Variants in KTN1 observed in about 807,000 individuals in gnomAD.
KTN1 encodes the protein kinectin 1, also known as kinectin.
KTN1 carries 130 observed loss-of-function variants against 222.5 expected under a neutral mutation model. That is an observed-to-expected ratio of 0.58 (90% CI 0.51 to 0.68). KTN1 has a LOEUF of 0.68. Ranked by LOEUF, KTN1 falls within the 30% of genes least tolerant of loss-of-function variation. The pLI is 0.00. For synonymous variants in KTN1, 512 were observed against 496.3 expected (o/e 1.03, Z -0.42); for missense variants, 1,508 against 1,500.4 (o/e 1.01, Z -0.08).
In KTN1 at chr14:55,670,756, GA is replaced by G; in HGVS notation, c.3302del (p.Lys1101ArgfsTer18). The G allele has an allele frequency of 1.2e-6, 2 of 1,607,870 alleles. No individual in the cohort carries two copies. Among genetic ancestry groups the G allele is most frequent in the Admixed American group, 1.7e-5 (1 of 59,702 alleles). On this transcript the variant is annotated frameshift_variant, in exon 35 of 44. Transcript: ENST00000395314. LOFTEE classifies it high-confidence loss of function. Reference protein sequence around the residue: ...LSYGEWLHGFEKKAKECMAGT... With the variant: ...LSYGEWLHGFXKKAKECMAGT... ...TTATGGTGAATGGTTGCATGGATTT[GA>G]AAAAAAGGCAAAAGAATGTATGGCT...
chr14:55,624,918 A>G (rs1360668744), intron 5 of KTN1, among the ~76,000 whole-genome samples: 2 of 152,218 alleles, frequency 1.3e-5, no homozygotes, highest in East Asian at 1.9e-4. Context: ...AAGACTATAA[A>G]TAAGTACCAA....
intron 1 of KTN1, among the ~76,000 whole-genome samples, chr14:55,605,758 T>G (rs1207010011): frequency 6.6e-6 from 1 of 152,238 alleles, no homozygotes; most frequent in Non-Finnish European, 1.5e-5. Context: ...ATCTGCAATA[T>G]AACACGCATA....
intron 1 of KTN1, among the ~76,000 whole-genome samples, chr14:55,595,426 G>C (rs933839778): frequency 6.7e-5 from 10 of 149,986 alleles, no homozygotes; most frequent in Admixed American, 4.0e-4. Flanking sequence ...ATCTGAACTA[G>C]TTGTCAGAAT....
At chr14:55,616,456 C>T (rs1476087864) in intron 2 of KTN1, 61 bp from the exon 3 acceptor site, 8 of 1,409,962 alleles carry the variant, frequency 5.7e-6, no homozygotes, top group South Asian at 2.9e-5. Flanking sequence ...TCAGTGATTG[C>T]ATCTTTTCCG....
chr14:55,619,369 A>G, intron 5 of KTN1, 57 bp downstream of exon 5: 1 of 1,561,104 alleles, frequency 6.4e-7, no homozygotes, highest in Non-Finnish European at 8.8e-7. Context: ...AAGTTCACCA[A>G]ACAAGACTTT....
intron 16 of KTN1, 68 bp downstream of exon 16, chr14:55,641,038 T>C: frequency 2.0e-6 from 3 of 1,489,268 alleles, no homozygotes; most frequent in Non-Finnish European, 1.9e-6. Context: ...GCAGAAAATA[T>C]TGCTGCTTAT....
Position 55,682,305 on chromosome 14 carries a change from C to G in KTN1, c.4070-1794C>G, listed in dbSNP as rs1269581111. 3 of 152,242 alleles carry G rather than the reference C, an allele frequency of 2.0e-5. No homozygotes were observed. The East Asian group carries it at 5.8e-4, about 29-fold the overall frequency. The allele number at this position is 152,242 out of a possible 1,614,324, so 9.4% of individuals were successfully genotyped here. A position where few individuals can be genotyped will look rare whatever the true frequency, so the allele number is the denominator to read the frequency against. Reference sequence around the variant, plus strand: ...CATCAAAAAAAGAAAAGGGTACCATCCTCCGCTTTCCATTTGTGGGGAGTG... The same window carrying G: ...CATCAAAAAAAGAAAAGGGTACCATGCTCCGCTTTCCATTTGTGGGGAGTG... On this transcript the variant is annotated intron_variant, in intron 43 of 43. Coordinates refer to ENST00000395314, the MANE Select transcript of KTN1 (RefSeq NM_001079521.2).
chr14:55,587,763 A>T (rs372839497), intron 1 of KTN1, among the ~76,000 whole-genome samples: 2 of 152,312 alleles, frequency 1.3e-5, no homozygotes, highest in East Asian at 1.9e-4. Flanking sequence ...TTCTGGGTAC[A>T]GTTTCAGGTG....
chr14:55,635,114 G>C (rs1017755416), intron 9 of KTN1, among the ~76,000 whole-genome samples: 3 of 152,088 alleles, frequency 2.0e-5, no homozygotes, highest in Non-Finnish European at 4.4e-5. Context: ...TGTGTATATA[G>C]GTTTGAAAAA....
intron 5 of KTN1, among the ~76,000 whole-genome samples, chr14:55,625,501 G>A (rs2039696765): frequency 6.6e-6 from 1 of 151,918 alleles, no homozygotes; most frequent in Admixed American, 6.6e-5. Flanking sequence ...TAGTTTTTCT[G>A]TTTGTCAGAT....
intron 1 of KTN1, among the ~76,000 whole-genome samples, chr14:55,585,968 AG>A (rs1208393384): frequency 6.6e-6 from 1 of 152,226 alleles, no homozygotes; most frequent in Non-Finnish European, 1.5e-5. Flanking sequence ...TGTGAATTCA[AG>A]TAAGTGTACA....
intron 1 of KTN1, among the ~76,000 whole-genome samples, chr14:55,596,154 CAAAAAA>C (rs71448460): frequency 1.6e-5 from 1 of 61,132 alleles, no homozygotes; most frequent in Admixed American, 2.0e-4. Context: ...GACTCAATAG[CAAAAAA>C]AAAAAAAAAA....
intron 7 of KTN1, among the ~76,000 whole-genome samples, chr14:55,630,462 A>C (rs914975551): frequency 2.6e-5 from 4 of 152,150 alleles, no homozygotes; most frequent in African/African-American, 9.7e-5. Flanking sequence ...TGAGGATAAG[A>C]GTTACTTGGT....
In KTN1 at chr14:55,619,427, A is replaced by G. The variant is rs2038830980; in HGVS notation, c.963+115A>G. The stretch of plus-strand genomic sequence containing the variant: ...TCCCATCCTTAACATCTCAGAACAT[A>G]CATCTGGAATGCCTTCAGAAATTAC... On this transcript the variant is annotated intron_variant, in intron 5 of 43. Transcript: ENST00000395314. 3.2e-6 allele frequency: 3 copies of G among 938,290 alleles called. 1 individual carries two copies. The highest frequency in any genetic ancestry group is 3.3e-5 in the South Asian group (2 of 61,042). 58.1% of individuals were successfully genotyped at this position (938,290 alleles called of 1,614,324 possible). A position where few individuals can be genotyped will look rare whatever the true frequency, so the allele number is the denominator to read the frequency against.
chr14:55,584,774 T>A (rs1441652385), intron 1 of KTN1, among the ~76,000 whole-genome samples: 1 of 152,190 alleles, frequency 6.6e-6, no homozygotes, highest in Non-Finnish European at 1.5e-5. Flanking sequence ...TATTGATGAC[T>A]CTTTAAGAGT....
In KTN1 at chr14:55,613,267, G is replaced by A. The variant is rs78759751; in HGVS notation, c.523+696G>A. Among the ~76,000 whole-genome samples the A allele has an allele frequency of 8.8e-4, 134 of 152,214 alleles. 1 individual carries two copies. Among genetic ancestry groups the A allele is most frequent in the African/African-American group, 2.9e-3 (122 of 41,518 alleles). Reference sequence around the variant, plus strand: ...TTCTAAGGTAGACCACTTAAAGCAAGTAATGCCAGAAATTTTTAAAGTTTG... The same window carrying A: ...TTCTAAGGTAGACCACTTAAAGCAAATAATGCCAGAAATTTTTAAAGTTTG... On this transcript the variant is annotated intron_variant, in intron 2 of 43. Coordinates refer to ENST00000395314, the MANE Select transcript of KTN1 (RefSeq NM_001079521.2).
intron 5 of KTN1, among the ~76,000 whole-genome samples, chr14:55,621,624 A>G (rs953634961): frequency 2.6e-5 from 4 of 152,094 alleles, no homozygotes; most frequent in African/African-American, 9.7e-5. Context: ...GGAAAACAGT[A>G]TGGGGGAAAC....
chr14:55,684,147 A>G lies in KTN1; in HGVS notation c.*44A>G. 1 of 1,541,006 alleles carries G rather than the reference A, an allele frequency of 6.5e-7. No homozygotes were observed. On this transcript the variant is annotated 3_prime_UTR_variant, in exon 44 of 44. Coordinates refer to ENST00000395314, the MANE Select transcript of KTN1 (RefSeq NM_001079521.2). ...CATTTGAGGATAAAAAAGGCATTGT[A>G]TTATATTTTGCCAAATTAAAGCCTT...
intron 40 of KTN1, 51 bp downstream of exon 40, chr14:55,673,306 A>T: frequency 1.7e-6 from 2 of 1,197,970 alleles, no homozygotes; most frequent in South Asian, 1.3e-5. Flanking sequence ...AAAACACTTT[A>T]TTGACATGTG....
Sources: allele counts gnomAD v4.1 joint callset (sites outside exome capture counted in the v4.1 genomes callset), GRCh38; gene constraint gnomAD v4.1.1; transcripts MANE v1.5; gene names NCBI Gene and HGNC (gene_info 2026-07-23, HGNC 2026-07-21).